The following OTUD7A variants were observed in gnomAD, a reference collection of about 807,000 sequenced individuals.
OTUD7A encodes OTU deubiquitinase 7A, also known as OTU domain-containing protein 7A.
Under a neutral mutation model 65.7 loss-of-function variants are expected in OTUD7A, and 12 were observed. The observed-to-expected ratio is 0.18, with a 90% confidence interval of 0.12 to 0.30. The LOEUF is 0.30. OTUD7A is among the 10% of genes least tolerant of loss of function. The pLI, the probability that OTUD7A is intolerant of heterozygous loss-of-function variation, is 1.00. For synonymous variants in OTUD7A, 641 were observed against 586.3 expected (o/e 1.09, Z -1.35); for missense variants, 1,148 against 1,304.8 (o/e 0.88, Z 1.85).
intron 1 of OTUD7A, among the ~76,000 whole-genome samples, chr15:31,813,802 T>A (rs936356053): frequency 6.6e-6 from 1 of 152,234 alleles, no homozygotes; most frequent in Non-Finnish European, 1.5e-5. Flanking sequence ...TTTCTGTAAA[T>A]ATCAATCTCC....
intron 5 of OTUD7A, among the ~76,000 whole-genome samples, chr15:31,546,556 C>T (rs1028893799): frequency 3.3e-5 from 5 of 152,098 alleles, no homozygotes; most frequent in African/African-American, 7.2e-5. Flanking sequence ...AGAAGGCAGC[C>T]GTTTACAAGA....
At chr15:31,855,232 G>A (rs775348533) in intron 1 of OTUD7A, among the ~76,000 whole-genome samples, 8 of 152,160 alleles carry the variant, frequency 5.3e-5, no homozygotes, top group Non-Finnish European at 1.0e-4. Flanking sequence ...TAAATTAACC[G>A]AATTAAAAGA....
chr15:31,701,690 C>T (rs943544863), intron 1 of OTUD7A, among the ~76,000 whole-genome samples: 2 of 151,400 alleles, frequency 1.3e-5, no homozygotes, highest in African/African-American at 2.4e-5. Flanking sequence ...ATGTCCAGGC[C>T]TAGATGGTTT....
At chr15:31,575,756 C>A (rs570392609) in intron 3 of OTUD7A, among the ~76,000 whole-genome samples, 1 of 152,338 alleles carries the variant, frequency 6.6e-6, no homozygotes, top group African/African-American at 2.4e-5. Context: ...ATGGCAAGAA[C>A]TAGCCACAGG....
intron 9 of OTUD7A, among the ~76,000 whole-genome samples, chr15:31,503,394 T>C (rs2041503774): frequency 6.6e-6 from 1 of 152,140 alleles, no homozygotes; most frequent in Non-Finnish European, 1.5e-5. Context: ...TGGAGGGGTG[T>C]GGGCTGTCTG....
chr15:31,727,767 T>C (rs892286074), intron 1 of OTUD7A, among the ~76,000 whole-genome samples: 2 of 152,248 alleles, frequency 1.3e-5, no homozygotes, highest in Non-Finnish European at 2.9e-5. Context: ...TGATGACTTC[T>C]TCCTTGAACA....
Position 31,663,690 on chromosome 15 carries a change from A to T in OTUD7A, c.-99-6613T>A, listed in dbSNP as rs147468413. Among the ~76,000 whole-genome samples the T allele has an allele frequency of 7.0e-3, 1,059 of 152,096 alleles. 10 individuals are homozygous for T. The highest frequency in any genetic ancestry group is 0.011 in the Non-Finnish European group (732 of 67,992). On this transcript the variant is annotated intron_variant, in intron 1 of 12. Transcript: ENST00000307050. The stretch of plus-strand genomic sequence containing the variant: ...TTCTTTAAAAAATTTTTATTTTTCC[A>T]TAAGTTATTGGGGTACAGGTGGTGT...
intron 5 of OTUD7A, among the ~76,000 whole-genome samples, chr15:31,550,437 G>A (rs1888283965): frequency 6.6e-6 from 1 of 152,196 alleles, no homozygotes; most frequent in Non-Finnish European, 1.5e-5. Context: ...ACTTGGCAAG[G>A]AAGCAGCGCA....
At chr15:31,546,788 GAATA>G (rs1269141645) in intron 5 of OTUD7A, among the ~76,000 whole-genome samples, 2 of 152,194 alleles carry the variant, frequency 1.3e-5, no homozygotes, top group South Asian at 4.1e-4. Flanking sequence ...ACACCAATGA[GAATA>G]AATAAGCTAT....
intron 1 of OTUD7A, among the ~76,000 whole-genome samples, chr15:31,669,474 G>A (rs538053849): frequency 1.1e-3 from 166 of 152,284 alleles, no homozygotes; most frequent in Non-Finnish European, 1.7e-3. Context: ...CATGCAGTCC[G>A]AAGGGCCGGT....
At chr15:31,521,455 A>G (rs554279531) in intron 8 of OTUD7A, among the ~76,000 whole-genome samples, 3 of 152,224 alleles carry the variant, frequency 2.0e-5, no homozygotes, top group East Asian at 3.9e-4. Flanking sequence ...AGGACACCTT[A>G]CGTTAGCAGA....
chr15:31,545,351 G>T (rs1486845214), intron 5 of OTUD7A, among the ~76,000 whole-genome samples: 1 of 152,038 alleles, frequency 6.6e-6, no homozygotes, highest in Non-Finnish European at 1.5e-5. Context: ...CAGGACCTTG[G>T]GGTAGGCAAA....
rs1380147821 is a variant in OTUD7A at position 31,484,010 on chromosome 15, C to T, written c.2086G>A (p.Ala696Thr). The change falls in exon 13 of 13, where the codon GCC becomes ACC. Residue 696 changes from alanine to threonine, a missense_variant. This residue lies in a region of OTUD7A where 842 missense variants were observed against 769.5 expected (regional missense o/e 1.09). Coordinates refer to ENST00000307050, the MANE Select transcript of OTUD7A (RefSeq NM_001382637.1). This position sits in a 1 kb window ranked among gnomAD's most constrained non-coding sequence, Gnocchi z 4.5. ...AAAAAAAAAA[A>T]TAKRPPRRPE... ...CTGCGCGGCGGCCGCTTGGCCGTGG[C>T]GGCGGCGGCGGCGGCGGCAGCGGCG... 16 of 112,980 alleles carry T rather than the reference C, an allele frequency of 1.4e-4. No individual in the cohort carries two copies. In the East Asian group the frequency reaches 0.05, roughly 350 times the overall value. 7.0% of individuals were successfully genotyped at this position (112,980 alleles called of 1,614,324 possible). A position where few individuals can be genotyped will look rare whatever the true frequency, so the allele number is the denominator to read the frequency against.
chr15:31,647,229 T>G (rs1306042100), intron 3 of OTUD7A, among the ~76,000 whole-genome samples: 1 of 152,178 alleles, frequency 6.6e-6, no homozygotes, highest in Non-Finnish European at 1.5e-5. Flanking sequence ...TTAGGATTCA[T>G]GGTCCCTAGA....
chr15:31,821,910 A>G (rs1054422328), intron 1 of OTUD7A, among the ~76,000 whole-genome samples: 1 of 152,120 alleles, frequency 6.6e-6, no homozygotes, highest in African/African-American at 2.4e-5. Context: ...TTGTATATCA[A>G]CTTTGGAGAA....
At chr15:31,776,268 C>T (rs975594174) in intron 1 of OTUD7A, among the ~76,000 whole-genome samples, 2 of 152,226 alleles carry the variant, frequency 1.3e-5, no homozygotes, top group African/African-American at 4.8e-5. Flanking sequence ...TGTGGGACTT[C>T]CAGATAGCGA....
chr15:31,767,494 C>T (rs1895121406), intron 1 of OTUD7A: 1 of 772,216 alleles, frequency 1.3e-6, no homozygotes. Context: ...TGAGGGAGGT[C>T]ATCTGATTTG....
At chr15:31,809,514 C>A (rs1200309124) in intron 1 of OTUD7A, among the ~76,000 whole-genome samples, 1 of 152,144 alleles carries the variant, frequency 6.6e-6, no homozygotes, top group Admixed American at 6.5e-5. Flanking sequence ...CCAGTTCCAG[C>A]CAAAAAAACT....
chr15:31,656,949 T>G (rs976486864), intron 2 of OTUD7A, 34 bp downstream of exon 2: 9 of 152,716 alleles, frequency 5.9e-5, no homozygotes, highest in African/African-American at 2.2e-4. Flanking sequence ...CAATTTTTAG[T>G]TGATGCGGCC....
Sources: allele counts gnomAD v4.1 joint callset (sites outside exome capture counted in the v4.1 genomes callset), GRCh38; gene constraint gnomAD v4.1.1; regional missense constraint gnomAD v4.1.1; non-coding constraint Gnocchi (gnomAD v3.1); transcripts MANE v1.5; gene names NCBI Gene and HGNC (gene_info 2026-07-23, HGNC 2026-07-21).